The following MGAT4C variants were observed in gnomAD, a reference collection of about 807,000 sequenced individuals.
The protein encoded by MGAT4C is MGAT4 family member C.
A neutral mutation model predicts 40.1 loss-of-function variants in MGAT4C; 19 were observed. That is an observed-to-expected ratio of 0.47 (90% confidence interval 0.33 to 0.70). The LOEUF is 0.70. Ranked by LOEUF, MGAT4C falls within the 30% of genes least tolerant of loss-of-function variation. MGAT4C has a pLI of 0.02. For missense variants in MGAT4C, 491 were observed against 563.2 expected, an observed-to-expected ratio of 0.87 and a Z score of 1.30; for synonymous variants, 181 against 187.1, an observed-to-expected ratio of 0.97 and a Z score of 0.27.
intron 1 of MGAT4C, among the ~76,000 whole-genome samples, chr12:86,121,496 T>G (rs1234354798): frequency 3.3e-5 from 5 of 151,992 alleles, no homozygotes; most frequent in Non-Finnish European, 1.5e-5. Context: ...CAGCCAGAGA[T>G]AAAGGTCAGG....
chr12:86,803,479 A>T (rs984444528), intron 1 of MGAT4C, among the ~76,000 whole-genome samples: 13 of 152,198 alleles, frequency 8.5e-5, no homozygotes, highest in Admixed American at 3.9e-4. Flanking sequence ...TGAACAGGCA[A>T]CCTACAACAT....
intron 2 of MGAT4C, among the ~76,000 whole-genome samples, chr12:86,622,855 C>T (rs1962682799): frequency 6.6e-6 from 1 of 151,932 alleles, no homozygotes; most frequent in Non-Finnish European, 1.5e-5. Context: ...AATTAGTAGA[C>T]AAGTATATTA....
intron 1 of MGAT4C, among the ~76,000 whole-genome samples, chr12:86,807,989 T>C (rs2136212426): frequency 9.4e-6 from 1 of 105,984 alleles, no homozygotes; most frequent in East Asian, 2.2e-4. Context: ...TCTTATAAAT[T>C]TGTTTAACTT....
chr12:86,603,523 G>GACTGTATAATATAT (rs1961888856), intron 2 of MGAT4C, among the ~76,000 whole-genome samples: 1 of 22,634 alleles, frequency 4.4e-5, no homozygotes, highest in African/African-American at 8.7e-5. Flanking sequence ...ATAGTCTATA[G>GACTGTATAATATAT]ACTATATATA....
intron 2 of MGAT4C, among the ~76,000 whole-genome samples, chr12:86,045,855 T>G (rs1410725151): frequency 1.3e-5 from 2 of 152,220 alleles, no homozygotes; most frequent in East Asian, 3.9e-4. Flanking sequence ...TCAAGTAATA[T>G]TTACCTTTTT....
chr12:86,646,825 A>C (rs1963554127), intron 2 of MGAT4C, among the ~76,000 whole-genome samples: 1 of 151,964 alleles, frequency 6.6e-6, no homozygotes, highest in Admixed American at 6.6e-5. Context: ...ATTTTAACTG[A>C]CATATAATAA....
intron 2 of MGAT4C, among the ~76,000 whole-genome samples, chr12:86,642,902 C>A (rs1250220034): frequency 2.0e-5 from 3 of 151,262 alleles, no homozygotes; most frequent in East Asian, 2.0e-4. Context: ...AAAAATGAAA[C>A]CTTCGTACAT....
intron 2 of MGAT4C, among the ~76,000 whole-genome samples, chr12:86,000,934 A>G (rs1828494642): frequency 6.6e-6 from 1 of 152,166 alleles, no homozygotes; most frequent in Non-Finnish European, 1.5e-5. Flanking sequence ...TATTTCTAGT[A>G]TATTTCTAAC....
chr12:86,338,546 A>G (rs1252718920), intron 3 of MGAT4C, among the ~76,000 whole-genome samples: 1 of 152,164 alleles, frequency 6.6e-6, no homozygotes. Context: ...TAAATGATAA[A>G]CTATAAACTA....
At chr12:86,811,149 A>G (rs1186181977) in intron 1 of MGAT4C, among the ~76,000 whole-genome samples, 2 of 151,062 alleles carry the variant, frequency 1.3e-5, no homozygotes, top group Non-Finnish European at 3.0e-5. Flanking sequence ...GGCAGGGGAC[A>G]CATTCTGTTG....
At chr12:86,181,617 C>T (rs1035437138) in intron 1 of MGAT4C, among the ~76,000 whole-genome samples, 1 of 152,120 alleles carries the variant, frequency 6.6e-6, no homozygotes, top group African/African-American at 2.4e-5. Flanking sequence ...AGCAATTCTA[C>T]ATCTATCTAT....
rs73394966 is a variant in MGAT4C, at chr12:86,646,366, A to G, written c.-229+80843T>C. 3.2e-3 allele frequency among the ~76,000 whole-genome samples: 480 copies of G among 151,978 alleles called. 2 individuals are homozygous for G. The highest frequency in any genetic ancestry group is 0.011 in the African/African-American group (467 of 41,544). On this transcript the variant is annotated intron_variant, in intron 2 of 7. Coordinates refer to the MGAT4C transcript ENST00000548651. ...ATTCATTGAACATATACTGTATTCT[A>G]GATACAAAATAAAGTGTTGTGAAAA...
chr12:85,988,902 C>G (rs1475540842), intron 3 of MGAT4C, among the ~76,000 whole-genome samples: 1 of 151,936 alleles, frequency 6.6e-6, no homozygotes, highest in Admixed American at 6.6e-5. Context: ...GAGTGGCCAT[C>G]TAGGTCTATT....
chr12:85,958,670 C>A lies in MGAT4C; in HGVS notation c.*20619G>T, dbSNP rs1475538227. Reference sequence around the variant, plus strand: ...ACTATGAATTAATCTTTGACAAATTCACTTACAACTAGCAATTTTAAAGAC... The same window carrying A: ...ACTATGAATTAATCTTTGACAAATTAACTTACAACTAGCAATTTTAAAGAC... On this transcript the variant is annotated 3_prime_UTR_variant, in exon 5 of 5. Transcript: ENST00000611864. The A allele has an allele frequency of 1.3e-5, 2 of 151,972 alleles. No individual in the cohort carries two copies. Among genetic ancestry groups the A allele is most frequent in the Non-Finnish European group, 2.9e-5 (2 of 67,990 alleles). The allele number at this position is 151,972 out of a possible 1,614,324, so 9.4% of individuals were successfully genotyped here. A position where few individuals can be genotyped will look rare whatever the true frequency, so the allele number is the denominator to read the frequency against.
intron 1 of MGAT4C, among the ~76,000 whole-genome samples, chr12:86,078,510 G>A (rs34031113): frequency 1.3e-5 from 2 of 152,218 alleles, no homozygotes; most frequent in African/African-American, 2.4e-5. Flanking sequence ...ATTCCAATGA[G>A]GACACACTGC....
chr12:86,774,773 T>A (rs1225720445), intron 1 of MGAT4C, among the ~76,000 whole-genome samples: 1 of 152,154 alleles, frequency 6.6e-6, no homozygotes, highest in Non-Finnish European at 1.5e-5. Context: ...AAGCAGCAAT[T>A]CAAGCAGTTT....
intron 2 of MGAT4C, among the ~76,000 whole-genome samples, chr12:86,633,477 A>G (rs1404988865): frequency 6.6e-6 from 1 of 152,110 alleles, no homozygotes. Flanking sequence ...GGCCATAGTA[A>G]GAGACTGTGA....
chr12:86,287,690 C>T (rs1310811675), intron 4 of MGAT4C, among the ~76,000 whole-genome samples: 1 of 152,148 alleles, frequency 6.6e-6, no homozygotes, highest in African/African-American at 2.4e-5. Context: ...ATGAACTCAT[C>T]ATTTTTTATG....
intron 2 of MGAT4C, among the ~76,000 whole-genome samples, chr12:86,019,816 C>T (rs1216106132): frequency 2.0e-5 from 3 of 152,092 alleles, no homozygotes; most frequent in Non-Finnish European, 2.9e-5. Context: ...ATTCTTCCTA[C>T]CCATGAGCAT....
Sources: allele counts gnomAD v4.1 joint callset (sites outside exome capture counted in the v4.1 genomes callset), GRCh38; gene constraint gnomAD v4.1.1; transcripts MANE v1.5; gene names NCBI Gene and HGNC (gene_info 2026-07-23, HGNC 2026-07-21).